ERICH5: variants seen among roughly 807,000 people sequenced by gnomAD.
ERICH5 encodes glutamate rich 5.
In ERICH5, 24 loss-of-function variants were observed where a neutral mutation model predicts 28.0. The ratio of observed to expected loss-of-function variants is 0.86; its 90% confidence interval spans 0.62 to 1.21. The LOEUF (loss-of-function observed/expected upper bound fraction) is 1.21. Ranked by LOEUF, ERICH5 falls within the 50% of genes most tolerant of loss-of-function variation. The probability of loss-of-function intolerance (pLI) is 0.00; values close to 1 mark genes in which losing one functional copy is unlikely to be tolerated. For synonymous variants in ERICH5, 163 were observed against 157.6 expected, an observed-to-expected ratio of 1.03 and a Z score of -0.25; for missense variants, 421 against 441.2, an observed-to-expected ratio of 0.95 and a Z score of 0.41.
At chr8:98,083,969 C>T (rs752796322) in intron 1 of ERICH5, among the ~76,000 whole-genome samples, 24 of 152,176 alleles carry the variant, frequency 1.6e-4, no homozygotes, top group Non-Finnish European at 2.6e-4. Context: ...CAGCCTCAAA[C>T]TCCTGGGCTC....
intron 1 of ERICH5, among the ~76,000 whole-genome samples, chr8:98,086,705 C>T (rs1027629541): frequency 4.6e-5 from 7 of 152,016 alleles, no homozygotes; most frequent in Non-Finnish European, 7.4e-5. Flanking sequence ...AATCCCAGCA[C>T]TTTGGGAGGC....
At chr8:98,091,535 CAT>C (rs1487113960) in intron 2 of ERICH5, among the ~76,000 whole-genome samples, 1 of 152,192 alleles carries the variant, frequency 6.6e-6, no homozygotes, top group Admixed American at 6.5e-5. Flanking sequence ...GTGAAGGACA[CAT>C]GTCATACTGT....
chr8:98,070,688 GAAAAGA>G (rs1814900553), intron 1 of ERICH5, among the ~76,000 whole-genome samples: 1 of 102,924 alleles, frequency 9.7e-6, no homozygotes, highest in African/African-American at 3.5e-5. Context: ...AAAAAGAAAA[GAAAAGA>G]AAAAGAAAAG....
intron 1 of ERICH5, among the ~76,000 whole-genome samples, chr8:98,077,363 AT>A (rs1309138584): frequency 6.6e-6 from 1 of 152,122 alleles, no homozygotes; most frequent in East Asian, 1.9e-4. Flanking sequence ...GATGGCTTTG[AT>A]TTTATAAACT....
chr8:98,092,187 A>C (rs1815422159), intron 2 of ERICH5, among the ~76,000 whole-genome samples: 1 of 151,374 alleles, frequency 6.6e-6, no homozygotes, highest in Non-Finnish European at 1.5e-5. Context: ...TTAAAAAATT[A>C]TTACTTTTGA....
chr8:98,080,616 TCTTCTTCTC>T (rs1401065308), intron 1 of ERICH5, among the ~76,000 whole-genome samples: 2 of 151,530 alleles, frequency 1.3e-5, no homozygotes, highest in African/African-American at 4.9e-5. Context: ...TCCTTCTCCT[TCTTCTTCTC>T]CTTCACCTTC....
intron 1 of ERICH5, among the ~76,000 whole-genome samples, chr8:98,088,046 A>T (rs984642466): frequency 2.6e-5 from 4 of 152,132 alleles, no homozygotes; most frequent in Non-Finnish European, 5.9e-5. Flanking sequence ...ACATAGTGAG[A>T]TCCTGTCTCT....
intron 1 of ERICH5, among the ~76,000 whole-genome samples, chr8:98,072,086 A>G (rs1454602228): frequency 6.6e-6 from 1 of 152,032 alleles, no homozygotes; most frequent in African/African-American, 2.4e-5. Flanking sequence ...CCCCCTAGGA[A>G]TTAAACCTTA....
chr8:98,089,372 G>T lies in ERICH5; in HGVS notation c.355G>T (p.Gly119Cys). 6.2e-7 allele frequency: 1 copy of T among 1,614,252 alleles called. No individual in the cohort carries two copies. Reference sequence around the variant, plus strand: ...GGAGGAATCTGGGCCGCCTCAACCAGGTGGCAAAGAGGATGCCCCAGCAGC... The same window carrying T: ...GGAGGAATCTGGGCCGCCTCAACCATGTGGCAAAGAGGATGCCCCAGCAGC... Reference protein sequence around the residue: ...GLEESGPPQPGGKEDAPAAEG... With the variant: ...GLEESGPPQPCGKEDAPAAEG... Residue 119 changes from glycine to cysteine, a missense_variant, in exon 2 of 3, where the codon GGT becomes TGT. By Grantham distance (159) the Gly-to-Cys change is radical. Transcript: ENST00000318528.
Position 98,089,892 on chromosome 8 carries a change from G to C in ERICH5, c.875G>C (p.Gly292Ala). 1.2e-6 allele frequency: 2 copies of C among 1,614,182 alleles called. No individual in the cohort carries two copies. The highest frequency in any genetic ancestry group is 3.3e-5 in the Admixed American group (2 of 60,024). ...GATCCATTCCATAAAACTCCTGAAG[G>C]TCCAGGAAACATGGAGCAGATTCAA... is the stretch of plus-strand genomic sequence containing the variant. ...MNDPFHKTPE[G>A]PGNMEQIQPE... The change falls in exon 2 of 3, where the codon GGT becomes GCT. Residue 292 changes from glycine (G) to alanine (A), a missense_variant. Gly to Ala is a moderately conservative substitution (Grantham distance 60). Coordinates refer to ENST00000318528, the MANE Select transcript of ERICH5 (RefSeq NM_173549.3).
chr8:98,064,719 T>G lies in ERICH5; in HGVS notation c.50T>G (p.Phe17Cys). 1 of 1,531,778 alleles carries G rather than the reference T, an allele frequency of 6.5e-7. No homozygotes were observed. The highest frequency in any genetic ancestry group is 8.8e-7 in the Non-Finnish European group (1 of 1,142,246). The allele number at this position is 1,531,778 out of a possible 1,614,324, so 94.9% of individuals were successfully genotyped here. Reference protein sequence around the residue: ...ALNKAGDSSRFPSVTSNEHFS... With the variant: ...ALNKAGDSSRCPSVTSNEHFS... The stretch of plus-strand genomic sequence containing the variant: ...AACAAGGCCGGCGACAGCAGCAGGT[T>G]CCCCAGCGGTGAGCAGGGTACCGGC... Residue 17 changes from phenylalanine (F) to cysteine (C), a missense_variant, in exon 1 of 3, where the codon TTC becomes TGC. Transcript: ENST00000318528.
At chr8:98,064,843 G>T in intron 1 of ERICH5, 116 bp downstream of exon 1, 1 of 748,776 alleles carries the variant, frequency 1.3e-6, no homozygotes. Flanking sequence ...GCCGGGCCTT[G>T]TCCCGGAGGA....
At chr8:98,090,658 G>T (rs557417864) in intron 2 of ERICH5, among the ~76,000 whole-genome samples, 1 of 151,452 alleles carries the variant, frequency 6.6e-6, no homozygotes, top group African/African-American at 2.4e-5. Flanking sequence ...GTCTGCTCTT[G>T]TTCTTCTGCA....
In ERICH5 at chr8:98,070,190, A is replaced by C. The variant is rs1814886221; in HGVS notation, c.58+5463A>C. 1.3e-5 allele frequency among the ~76,000 whole-genome samples: 2 copies of C among 152,048 alleles called. 1 individual carries two copies. Among genetic ancestry groups the C allele is most frequent in the South Asian group, 4.2e-4 (2 of 4,818 alleles). ...CCAGTTCCATCTGGGATCTGGTCCT[A>C]GTTCTGCAAGAAACTTGTAGTGTGG... On this transcript the variant is annotated intron_variant, in intron 1 of 2. Transcript: ENST00000318528.
At chr8:98,070,139 C>A (rs1311369770) in intron 1 of ERICH5, among the ~76,000 whole-genome samples, 2 of 152,068 alleles carry the variant, frequency 1.3e-5, no homozygotes, top group Non-Finnish European at 2.9e-5. Context: ...TGTGTGACTC[C>A]AAAGCCCCTG....
At chr8:98,092,220 C>T (rs1178049398) in intron 2 of ERICH5, among the ~76,000 whole-genome samples, 1 of 151,904 alleles carries the variant, frequency 6.6e-6, no homozygotes, top group Admixed American at 6.6e-5. Flanking sequence ...CTCTGTTACT[C>T]AGGCTGGAGT....
At chr8:98,071,450 C>A (rs948924386) in intron 1 of ERICH5, among the ~76,000 whole-genome samples, 1 of 152,098 alleles carries the variant, frequency 6.6e-6, no homozygotes, top group Non-Finnish European at 1.5e-5. Context: ...GGCTTCTAAT[C>A]CTAGAGTGTG....
At chr8:98,086,554 T>C (rs1815283070) in intron 1 of ERICH5, among the ~76,000 whole-genome samples, 1 of 152,362 alleles carries the variant, frequency 6.6e-6, no homozygotes, top group African/African-American at 2.4e-5. Context: ...GGCTCAGTTC[T>C]TCATAGAAGA....
In ERICH5 at chr8:98,089,617, T is replaced by G; in HGVS notation, c.600T>G (p.Ala200=). ...TTENVLTLQI[A]GELQPQGTVG... ...AGAACGTTCTGACTCTGCAAATAGC[T>G]GGAGAGCTACAACCTCAGGGCACAG... The change falls in exon 2 of 3, where the codon GCT becomes GCG. Residue 200 remains alanine (A), a synonymous_variant. Coordinates refer to ENST00000318528, the MANE Select transcript of ERICH5 (RefSeq NM_173549.3). The G allele has an allele frequency of 6.2e-7, 1 of 1,614,114 alleles. No homozygotes were observed. The highest frequency in any genetic ancestry group is 8.5e-7 in the Non-Finnish European group (1 of 1,180,034).
Sources: allele counts gnomAD v4.1 joint callset (sites outside exome capture counted in the v4.1 genomes callset), GRCh38; gene constraint gnomAD v4.1.1; transcripts MANE v1.5; gene names NCBI Gene and HGNC (gene_info 2026-07-23, HGNC 2026-07-21).